Variants in SNX30 observed in about 807,000 individuals in gnomAD.
SNX30 encodes sorting nexin family member 30, also known as sorting nexin-30.
A neutral mutation model predicts 46.4 loss-of-function variants in SNX30; 24 were observed. The ratio of observed to expected loss-of-function variants is 0.52; its 90% CI spans 0.37 to 0.73. SNX30 has a LOEUF of 0.73. Ranked by LOEUF, SNX30 falls within the 30% of genes least tolerant of loss-of-function variation. The pLI is 0.00. For synonymous variants in SNX30, 189 were observed against 211.5 expected, an observed-to-expected ratio of 0.89 and a Z score of 0.92; for missense variants, 533 against 555.7, an observed-to-expected ratio of 0.96 and a Z score of 0.41.
At chr9:112,819,936 C>G (rs1293620082) in intron 3 of SNX30, among the ~76,000 whole-genome samples, 2 of 152,198 alleles carry the variant, frequency 1.3e-5, no homozygotes, top group African/African-American at 4.8e-5. Context: ...TTTCTCCCAG[C>G]CTTTTTGTAC....
chr9:112,879,483 G>A, downstream of SNX30: 1 of 371,900 alleles, frequency 2.7e-6, no homozygotes, highest in South Asian at 5.2e-5. Context: ...TGTGCAGCCT[G>A]CCTGTAACCC....
chr9:112,771,418 C>T (rs1839646745), intron 1 of SNX30, among the ~76,000 whole-genome samples: 1 of 152,104 alleles, frequency 6.6e-6, no homozygotes, highest in Admixed American at 6.5e-5. Flanking sequence ...CCTGTATATA[C>T]TTATATGCAA....
At chr9:112,749,863 T>G (rs1839237247), upstream of SNX30, among the ~76,000 whole-genome samples, 1 of 152,210 alleles carries the variant, frequency 6.6e-6, no homozygotes, top group African/African-American at 2.4e-5. Flanking sequence ...CCCTACCCAT[T>G]ACTTTGCTAG....
At chr9:112,784,547 C>A (rs1839891454) in intron 1 of SNX30, among the ~76,000 whole-genome samples, 1 of 152,180 alleles carries the variant, frequency 6.6e-6, no homozygotes, top group African/African-American at 2.4e-5. Flanking sequence ...CACTTCACCC[C>A]TTGGCGATTT....
chr9:112,868,707 T>C, intron 8 of SNX30, 77 bp from the exon 9 acceptor site: 1 of 1,471,604 alleles, frequency 6.8e-7, no homozygotes, highest in Non-Finnish European at 9.5e-7. Context: ...AACGAAAGGG[T>C]AGGTCAGAGC....
chr9:112,846,038 C>T (rs1320850687), intron 6 of SNX30, among the ~76,000 whole-genome samples: 1 of 151,620 alleles, frequency 6.6e-6, no homozygotes, highest in Non-Finnish European at 1.5e-5. Context: ...GAACAAAGAG[C>T]TCTTGGAAAT....
intron 1 of SNX30, among the ~76,000 whole-genome samples, chr9:112,756,887 G>A (rs954226395): frequency 6.6e-6 from 1 of 152,118 alleles, no homozygotes; most frequent in Non-Finnish European, 1.5e-5. Context: ...TTTATTTAAG[G>A]TATACAACTT....
intron 7 of SNX30, among the ~76,000 whole-genome samples, chr9:112,855,976 G>A (rs930329791): frequency 2.6e-5 from 4 of 152,096 alleles, no homozygotes; most frequent in Admixed American, 2.0e-4. Flanking sequence ...AAATGGCACC[G>A]GGAGCATCCG....
intron 7 of SNX30, among the ~76,000 whole-genome samples, chr9:112,855,191 C>T (rs1841101319): frequency 6.6e-6 from 1 of 152,030 alleles, no homozygotes; most frequent in African/African-American, 2.4e-5. Context: ...TGTGAGCTCA[C>T]GAAGCCAGAG....
chr9:112,796,262 T>C (rs1255052455), intron 1 of SNX30, among the ~76,000 whole-genome samples: 2 of 152,252 alleles, frequency 1.3e-5, no homozygotes, highest in East Asian at 3.9e-4. Flanking sequence ...CCCGGTGTGC[T>C]AGTGTTGATA....
downstream of SNX30, chr9:112,875,694 A>T (rs945956854): frequency 6.6e-5 from 10 of 152,236 alleles, no homozygotes; most frequent in African/African-American, 2.2e-4. Context: ...TCCTAATTTA[A>T]ATATTAAGGC....
chr9:112,775,229 C>T (rs1049968856), intron 1 of SNX30, among the ~76,000 whole-genome samples: 1 of 146,644 alleles, frequency 6.8e-6, no homozygotes, highest in African/African-American at 2.5e-5. Context: ...GATCTCAGCT[C>T]ACTGCAACCT....
Position 112,815,520 on chromosome 9 carries a change from C to T in SNX30, c.349-2185C>T, listed in dbSNP as rs545971508. Among the ~76,000 whole-genome samples the T allele has an allele frequency of 3.9e-5, 6 of 152,272 alleles. No homozygotes were observed. In the South Asian group the frequency reaches 1.0e-3, roughly 26 times the overall value. ...GGATTACAGGCACCCACCACCACAA[C>T]TGGCTAATTTTTGTATTTTTAATAG... On this transcript the variant is annotated intron_variant, in intron 2 of 8. Coordinates refer to ENST00000374232, the MANE Select transcript of SNX30 (RefSeq NM_001012994.2).
intron 1 of SNX30, among the ~76,000 whole-genome samples, chr9:112,797,319 T>C (rs1840122371): frequency 6.6e-6 from 1 of 152,180 alleles, no homozygotes; most frequent in Admixed American, 6.5e-5. Context: ...TCCTACCCAC[T>C]ACTCTCTTTT....
chr9:112,825,542 G>C (rs143128557), intron 3 of SNX30, among the ~76,000 whole-genome samples: 158 of 152,116 alleles, frequency 1.0e-3, no homozygotes, highest in Non-Finnish European at 1.4e-3. Context: ...AATCCTCCCA[G>C]CTTGACCTCC....
chr9:112,768,556 G>A lies in SNX30; in HGVS notation c.156+17399G>A, dbSNP rs930459258. The stretch of plus-strand genomic sequence containing the variant: ...GATCTCTTAGACAATACTGATGCCT[G>A]GTCCCTATCTCAAGAAATTTAGATC... On this transcript the variant is annotated intron_variant, in intron 1 of 8. Coordinates refer to ENST00000374232, the MANE Select transcript of SNX30 (RefSeq NM_001012994.2). Among the ~76,000 whole-genome samples the A allele has an allele frequency of 4.6e-5, 7 of 150,692 alleles. No homozygotes were observed. In the South Asian group the frequency reaches 1.5e-3, roughly 32 times the overall value.
chr9:112,880,628 G>A (rs989890909), intron 5 of SNX30, among the ~76,000 whole-genome samples: 5 of 152,160 alleles, frequency 3.3e-5, no homozygotes, highest in African/African-American at 1.2e-4. Flanking sequence ...CCATCTCCTT[G>A]TTCAGGTGCT....
At chr9:112,757,004 A>G (rs1839360688) in intron 1 of SNX30, among the ~76,000 whole-genome samples, 1 of 152,252 alleles carries the variant, frequency 6.6e-6, no homozygotes, top group Non-Finnish European at 1.5e-5. Context: ...AAGAGCATCT[A>G]AATTGACTCA....
intron 2 of SNX30, among the ~76,000 whole-genome samples, chr9:112,806,393 C>T (rs1840224679): frequency 6.6e-6 from 1 of 152,008 alleles, no homozygotes. Flanking sequence ...CCCACCCCCA[C>T]CAAGTCACAT....
Sources: allele counts gnomAD v4.1 joint callset (sites outside exome capture counted in the v4.1 genomes callset), GRCh38; gene constraint gnomAD v4.1.1; transcripts MANE v1.5; gene names NCBI Gene and HGNC (gene_info 2026-07-23, HGNC 2026-07-21).